CFH: variants seen among roughly 807,000 people sequenced by gnomAD.
The protein encoded by CFH is H factor 1 (complement).
Under a neutral mutation model 147.3 loss-of-function variants are expected in CFH, and 53 were observed. The observed-to-expected ratio is 0.36, with a 90% CI of 0.29 to 0.45. CFH has a LOEUF of 0.45. Ranked by LOEUF, CFH falls within the 20% of genes least tolerant of loss-of-function variation. The probability of loss-of-function intolerance (pLI) is 1.00; values close to 1 mark genes in which losing one functional copy is unlikely to be tolerated. For synonymous variants in CFH, 536 were observed against 489.4 expected, an observed-to-expected ratio of 1.10 and a Z score of -1.26; for missense variants, 1,380 against 1,498.0, an observed-to-expected ratio of 0.92 and a Z score of 1.30.
Position 196,728,491 on chromosome 1 carries a change from T to A in CFH, c.2382T>A (p.Asn794Lys). The A allele has an allele frequency of 6.2e-7, 1 of 1,612,890 alleles. No homozygotes were observed. Among genetic ancestry groups the A allele is most frequent in the Non-Finnish European group, 8.5e-7 (1 of 1,179,156 alleles). ...KEGWIHTVCINGRWDPEVNCS... is the reference protein window; with the variant it reads ...KEGWIHTVCIKGRWDPEVNCS... ...GATGGATACACACAGTCTGCATAAA[T>A]GGAAGATGGGATCCAGAAGTGAACT... The change falls in exon 15 of 22, where the codon AAT (asparagine) becomes AAA (lysine). Residue 794 changes from asparagine (N) to lysine (K), a missense_variant. Around this residue, in one of 4 missense-constraint regions of CFH, gnomAD observed 830 missense variants for 821.4 expected, o/e 1.01. Coordinates refer to ENST00000367429, the MANE Select transcript of CFH (RefSeq NM_000186.4).
chr1:196,719,772 A>G (rs936444255), intron 11 of CFH, among the ~76,000 whole-genome samples: 2 of 151,722 alleles, frequency 1.3e-5, no homozygotes, highest in Non-Finnish European at 3.0e-5. Flanking sequence ...TATCAAATTT[A>G]TTAAACATTG....
intron 9 of CFH, among the ~76,000 whole-genome samples, chr1:196,691,179 A>C (rs1412056051): frequency 1.3e-5 from 2 of 151,956 alleles, no homozygotes; most frequent in Non-Finnish European, 2.9e-5. Context: ...ATTGGAATCA[A>C]TCATTTGACT....
At chr1:196,706,594 A>T (rs1199987389) in intron 9 of CFH, among the ~76,000 whole-genome samples, 1 of 152,236 alleles carries the variant, frequency 6.6e-6, no homozygotes, top group East Asian at 1.9e-4. Context: ...ATGAGTGGAT[A>T]TGTGACACGG....
At chr1:196,673,428 C>G in intron 2 of CFH, 1 of 443,518 alleles carries the variant, frequency 2.3e-6, no homozygotes, top group Non-Finnish European at 4.1e-6. Flanking sequence ...CCTCTGCCTC[C>G]CTGGTTCAAG....
chr1:196,698,856 A>G (rs1001320905), intron 9 of CFH, among the ~76,000 whole-genome samples: 1 of 152,226 alleles, frequency 6.6e-6, no homozygotes, highest in Non-Finnish European at 1.5e-5. Flanking sequence ...ATCCAGCAGC[A>G]TATCTAAAAG....
At chr1:196,681,288 ACT>A (rs764633319) in intron 6 of CFH, among the ~76,000 whole-genome samples, 14 of 151,680 alleles carry the variant, frequency 9.2e-5, no homozygotes, top group Admixed American at 5.9e-4. Flanking sequence ...TGAATATGTG[ACT>A]CTGTAGCATT....
Position 196,697,832 on chromosome 1 carries a change from A to C in CFH, c.1336+7593A>C, listed in dbSNP as rs1573038600. Among the ~76,000 whole-genome samples, 3 of 151,946 alleles carry C rather than the reference A, an allele frequency of 2.0e-5. No individual in the cohort carries two copies. The South Asian group carries it at 6.2e-4, about 32-fold the overall frequency. The stretch of plus-strand genomic sequence containing the variant: ...ATAGAATACTATGCAGCCATAAAAA[A>C]GAAGAGTTCATGTCCTTTGTAGGGA... On this transcript the variant is annotated intron_variant, in intron 9 of 21. Coordinates refer to ENST00000367429, the MANE Select transcript of CFH (RefSeq NM_000186.4).
chr1:196,724,575 G>A (rs188294249), intron 11 of CFH, among the ~76,000 whole-genome samples: 30 of 152,186 alleles, frequency 2.0e-4, no homozygotes, highest in East Asian at 5.8e-4. Context: ...ACCTTTGTCA[G>A]GCTCTTGCTT....
At chr1:196,744,764 T>C (rs767280434) in intron 20 of CFH, among the ~76,000 whole-genome samples, 18 of 152,196 alleles carry the variant, frequency 1.2e-4, no homozygotes, top group Non-Finnish European at 1.8e-4. Context: ...TTGACTCCTC[T>C]GTTTATCCAT....
chr1:196,684,528 G>A (rs1014972313), intron 6 of CFH, among the ~76,000 whole-genome samples: 2 of 151,588 alleles, frequency 1.3e-5, no homozygotes, highest in African/African-American at 2.4e-5. Flanking sequence ...CTTTAATCGC[G>A]GTATCTTTGG....
chr1:196,661,216 A>C (rs1666890355), intron 1 of CFH, among the ~76,000 whole-genome samples: 1 of 152,234 alleles, frequency 6.6e-6, no homozygotes, highest in Admixed American at 6.5e-5. Flanking sequence ...ATTTGCAAAA[A>C]GGTCAAGGGA....
intron 9 of CFH, among the ~76,000 whole-genome samples, chr1:196,712,746 C>G (rs1471706596): frequency 6.8e-5 from 10 of 147,550 alleles, no homozygotes; most frequent in African/African-American, 2.0e-4. Context: ...ACGTATATCT[C>G]CTAATGCTAT....
chr1:196,660,227 G>A (rs964908295), intron 1 of CFH, among the ~76,000 whole-genome samples: 4 of 152,096 alleles, frequency 2.6e-5, no homozygotes, highest in African/African-American at 4.8e-5. Flanking sequence ...CCCGTGTAAA[G>A]GATCTAAGGA....
In CFH at chr1:196,728,266, T is replaced by A. The variant is rs1669194617; in HGVS notation, c.2237-80T>A. 6 of 1,012,474 alleles carry A rather than the reference T, an allele frequency of 5.9e-6. No homozygotes were observed. In the Admixed American group the frequency reaches 1.8e-4, roughly 30 times the overall value. The allele number at this position is 1,012,474 out of a possible 1,614,324, so 62.7% of individuals were successfully genotyped here. The stretch of plus-strand genomic sequence containing the variant: ...CATAATTTTACCATGCTAATACTAT[T>A]TACTTTATAACTATTTTTATGTAAT... On this transcript the variant is annotated intron_variant, in intron 14 of 21. Transcript: ENST00000367429.
intron 4 of CFH, chr1:196,677,186 A>T: frequency 3.4e-6 from 1 of 295,646 alleles, no homozygotes; most frequent in East Asian, 7.3e-5. Context: ...CTCAAGCTTT[A>T]TATTTCTTAA....
At chr1:196,656,320 A>AAAG (rs1553270852) in intron 1 of CFH, among the ~76,000 whole-genome samples, 82 of 151,246 alleles carry the variant, frequency 5.4e-4, no homozygotes, top group African/African-American at 1.6e-3. Context: ...AAAAAAAAAA[A>AAAG]AAAGAAAGAA....
At chr1:196,713,154 T>C (rs1464492678) in intron 9 of CFH, among the ~76,000 whole-genome samples, 1 of 152,164 alleles carries the variant, frequency 6.6e-6, no homozygotes, top group East Asian at 1.9e-4. Context: ...AGTTAAGTTC[T>C]ACATAATTTG....
intron 1 of CFH, among the ~76,000 whole-genome samples, chr1:196,667,678 T>G (rs1165766913): frequency 6.6e-6 from 1 of 152,186 alleles, no homozygotes; most frequent in Non-Finnish European, 1.5e-5. Flanking sequence ...TCCATTTATA[T>G]TTAATGTAAT....
chr1:196,667,377 G>T (rs1667136482), intron 1 of CFH, among the ~76,000 whole-genome samples: 1 of 152,110 alleles, frequency 6.6e-6, no homozygotes, highest in Non-Finnish European at 1.5e-5. Context: ...AGCAAACATT[G>T]TTCAGACACA....
Sources: gnomAD v4.1 joint callset for allele counts (sites outside exome capture counted in the v4.1 genomes callset) on GRCh38, gnomAD v4.1.1 for gene constraint, gnomAD v4.1.1 regional missense constraint, MANE v1.5 for transcripts, NCBI Gene and HGNC (gene_info 2026-07-23, HGNC 2026-07-21) for gene names.